GFRA2: variants seen among roughly 807,000 people sequenced by gnomAD.
GFRA2 encodes the protein GDNF family receptor alpha-2.
GFRA2 carries 17 observed loss-of-function variants against 48.3 expected under a neutral mutation model. That is an observed-to-expected ratio of 0.35 (90% CI 0.24 to 0.53). The LOEUF is 0.53. Ranked by LOEUF, GFRA2 falls within the 20% of genes least tolerant of loss-of-function variation. GFRA2 has a pLI of 0.93. For synonymous variants in GFRA2, 305 were observed against 257.2 expected, an observed-to-expected ratio of 1.19 and a Z score of -1.78; for missense variants, 660 against 637.3, an observed-to-expected ratio of 1.04 and a Z score of -0.38.
At chr8:21,743,817 C>G (rs181412061) in intron 4 of GFRA2, among the ~76,000 whole-genome samples, 2 of 152,304 alleles carry the variant, frequency 1.3e-5, no homozygotes, top group East Asian at 1.9e-4. Flanking sequence ...CAAAATCCTT[C>G]TCTAGGGAGC....
chr8:21,697,912 A>G (rs1223555304), intron 7 of GFRA2, among the ~76,000 whole-genome samples: 1 of 152,158 alleles, frequency 6.6e-6, no homozygotes, highest in Non-Finnish European at 1.5e-5. Flanking sequence ...CATGATTGTG[A>G]GGCCTCCCCG....
Position 21,693,342 on chromosome 8 carries a change from C to T in GFRA2, c.1331G>A (p.Ser444Asn), listed in dbSNP as rs1482085397. 1 of 1,613,486 alleles carries T rather than the reference C, an allele frequency of 6.2e-7. No homozygotes were observed. Among genetic ancestry groups the T allele is most frequent in the East Asian group, 2.2e-5 (1 of 44,852 alleles). ...CAAGGCAGCCGACGGTCTGGCTCTG[C>T]TGGGGCCTGAGTTAGGTTTGATCAC... Reference protein sequence around the residue: ...NKVIKPNSGPSRARPSAALTV... With the variant: ...NKVIKPNSGPNRARPSAALTV... The change falls in exon 9 of 9, where the codon AGC (serine) becomes AAC (asparagine). Residue 444 changes from serine (S) to asparagine (N), a missense_variant. Physicochemically the swap from Ser to Asn is conservative, Grantham distance 46 (BLOSUM62 1). Coordinates refer to ENST00000524240, the MANE Select transcript of GFRA2 (RefSeq NM_001495.5).
chr8:21,725,491 T>C (rs1056783634), intron 4 of GFRA2, among the ~76,000 whole-genome samples: 1 of 152,288 alleles, frequency 6.6e-6, no homozygotes, highest in Non-Finnish European at 1.5e-5. Context: ...TGTATTTTTA[T>C]GCTGTTTGTT....
chr8:21,709,681 G>C (rs552224270), intron 4 of GFRA2, among the ~76,000 whole-genome samples: 3 of 152,234 alleles, frequency 2.0e-5, no homozygotes, highest in Admixed American at 6.5e-5. Flanking sequence ...AGACCAGAGG[G>C]CCCACACACT....
At chr8:21,732,076 C>A (rs536858028) in intron 4 of GFRA2, among the ~76,000 whole-genome samples, 1 of 152,326 alleles carries the variant, frequency 6.6e-6, no homozygotes, top group African/African-American at 2.4e-5. Flanking sequence ...AATGCAGGGG[C>A]GAGTGAACAT....
chr8:21,724,746 G>A (rs1473606788), intron 4 of GFRA2, among the ~76,000 whole-genome samples: 9 of 152,154 alleles, frequency 5.9e-5, no homozygotes, highest in Non-Finnish European at 8.8e-5. Context: ...CCCATCCCAG[G>A]AGCATTCAGG....
At chr8:21,784,187 G>C (rs796469250) in intron 1 of GFRA2, 782 of 421,068 alleles carry the variant, frequency 1.9e-3, no homozygotes, top group African/African-American at 0.014. Context: ...GGACAGGCTC[G>C]CCTGATCCTT....
intron 4 of GFRA2, among the ~76,000 whole-genome samples, chr8:21,719,343 C>T (rs1803486117): frequency 6.6e-6 from 1 of 152,122 alleles, no homozygotes; most frequent in Non-Finnish European, 1.5e-5. Context: ...TGGATACACT[C>T]CTTCACGTCC....
chr8:21,709,175 T>C (rs1000184137), intron 4 of GFRA2, among the ~76,000 whole-genome samples: 1 of 152,202 alleles, frequency 6.6e-6, no homozygotes, highest in African/African-American at 2.4e-5. Flanking sequence ...TTAGCTCTAA[T>C]GCAGGAGTCC....
At chr8:21,796,872 G>T (rs1563271133) in intron 2 of GFRA2, among the ~76,000 whole-genome samples, 1 of 152,334 alleles carries the variant, frequency 6.6e-6, no homozygotes, top group East Asian at 1.9e-4. Flanking sequence ...CAACAATAAT[G>T]AACTACCAGC....
At position 21,750,410 on chromosome 8, in the gene GFRA2, G is replaced by A. The variant is rs1805230774; in HGVS notation, c.794+178C>T. 6.6e-6 allele frequency among the ~76,000 whole-genome samples: 1 copy of A among 152,224 alleles called. No individual in the cohort carries two copies. Among genetic ancestry groups the A allele is most frequent in the South Asian group, 2.1e-4 (1 of 4,828 alleles). ...GAAGTAGATGGATGGATGAATGGAT[G>A]AATGAAATGGAAAATTCATTTTGCA... is the stretch of plus-strand genomic sequence containing the variant. On this transcript the variant is annotated intron_variant, in intron 4 of 8. Transcript: ENST00000524240. This position sits in a 1 kb window ranked among gnomAD's most constrained non-coding sequence, Gnocchi z 5.7.
chr8:21,793,021 G>T (rs7843220), upstream of GFRA2, among the ~76,000 whole-genome samples: 1 of 151,836 alleles, frequency 6.6e-6, no homozygotes. Flanking sequence ...GAGTCGAGAT[G>T]GCACCACTGC....
At chr8:21,741,750 C>T (rs1261064200) in intron 4 of GFRA2, among the ~76,000 whole-genome samples, 1 of 151,956 alleles carries the variant, frequency 6.6e-6, no homozygotes, top group Non-Finnish European at 1.5e-5. Context: ...GGTGAAAGCC[C>T]GTCTGTACTA....
intron 3 of GFRA2, among the ~76,000 whole-genome samples, chr8:21,760,265 T>G (rs1210004650): frequency 2.6e-5 from 4 of 152,178 alleles, no homozygotes; most frequent in African/African-American, 9.7e-5. Context: ...CCTCATTCAC[T>G]GACACATGGA....
In GFRA2 at chr8:21,782,768, G is replaced by C; in HGVS notation, c.172C>G (p.Arg58Gly). The part of the protein sequence containing the change: ...AAESNCSSRY[R>G]TLRQCLAGRD... ...CCTGCCAGGCACTGCCGCAGAGTGCGGTAGCGAGAGCTGCAGTTGGATTCG... is the reference window on the plus strand; with the variant it reads ...CCTGCCAGGCACTGCCGCAGAGTGCCGTAGCGAGAGCTGCAGTTGGATTCG... The change falls in exon 2 of 9, where the codon CGC becomes GGC. Residue 58 changes from arginine to glycine, a missense_variant. By Grantham distance (125) the Arg-to-Gly change is moderately radical (BLOSUM62 -2). Transcript: ENST00000524240. 1 of 1,592,700 alleles carries C rather than the reference G, an allele frequency of 6.3e-7. No individual in the cohort carries two copies. The highest frequency in any genetic ancestry group is 8.5e-7 in the Non-Finnish European group (1 of 1,171,758).
intron 6 of GFRA2, 24 bp downstream of exon 6, chr8:21,704,961 T>A: frequency 6.3e-7 from 1 of 1,588,314 alleles, no homozygotes; most frequent in Non-Finnish European, 8.6e-7. Context: ...GCTGCTGGGG[T>A]TGGGGAGAAC....
chr8:21,701,590 A>T (rs892586323), intron 7 of GFRA2, among the ~76,000 whole-genome samples: 1 of 152,154 alleles, frequency 6.6e-6, no homozygotes, highest in South Asian at 2.1e-4. Flanking sequence ...GCCTCCAGCC[A>T]CCTGCCAGGC....
chr8:21,716,040 C>G (rs73552677), intron 4 of GFRA2, among the ~76,000 whole-genome samples: 3 of 152,054 alleles, frequency 2.0e-5, no homozygotes, highest in African/African-American at 7.3e-5. Context: ...CAGAAACATT[C>G]GGCCAGGCGC....
At chr8:21,694,272 G>A (rs376737157) in intron 8 of GFRA2, among the ~76,000 whole-genome samples, 192 bp downstream of exon 8, 1 of 151,642 alleles carries the variant, frequency 6.6e-6, no homozygotes. Context: ...GAGAGAGCCA[G>A]GGGCCCTGGA....
Sources: allele counts gnomAD v4.1 joint callset (sites outside exome capture counted in the v4.1 genomes callset), GRCh38; gene constraint gnomAD v4.1.1; non-coding constraint Gnocchi (gnomAD v3.1); transcripts MANE v1.5; gene names NCBI Gene and HGNC (gene_info 2026-07-23, HGNC 2026-07-21).